DIS3L2: variants seen among roughly 807,000 people sequenced by gnomAD.
DIS3L2 encodes the protein DIS3 like 3'-5' exoribonuclease 2, also known as DIS3-like exonuclease 2.
Under a neutral mutation model 97.5 loss-of-function variants are expected in DIS3L2, and 34 were observed. The ratio of observed to expected loss-of-function variants is 0.35; its 90% CI spans 0.27 to 0.46. The LOEUF (loss-of-function observed/expected upper bound fraction) is 0.46, where lower values mean the gene tolerates loss of function less well. DIS3L2 is among the 20% of genes least tolerant of loss of function. The probability of loss-of-function intolerance (pLI) is 1.00; values close to 1 mark genes in which losing one functional copy is unlikely to be tolerated. For missense variants in DIS3L2, 1,038 were observed against 1,146.0 expected (o/e 0.91, Z 1.36); for synonymous variants, 435 against 445.2 (o/e 0.98, Z 0.29).
intron 14 of DIS3L2, among the ~76,000 whole-genome samples, chr2:232,303,862 G>A (rs1559202255): frequency 6.6e-6 from 1 of 152,154 alleles, no homozygotes; most frequent in Non-Finnish European, 1.5e-5. Context: ...CACATAAAGG[G>A]GCTAATCTCT....
intron 13 of DIS3L2, among the ~76,000 whole-genome samples, chr2:232,290,065 C>T (rs753073545): frequency 5.3e-5 from 8 of 152,188 alleles, no homozygotes; most frequent in Non-Finnish European, 1.2e-4. Flanking sequence ...TGCATTCCTT[C>T]GACAGTAGTT....
chr2:232,197,102 A>G (rs1447737014), intron 9 of DIS3L2, among the ~76,000 whole-genome samples: 1 of 152,208 alleles, frequency 6.6e-6, no homozygotes, highest in African/African-American at 2.4e-5. Flanking sequence ...TTGGGAATTC[A>G]AAGGATGAGA....
intron 12 of DIS3L2, among the ~76,000 whole-genome samples, chr2:232,253,111 A>G (rs1693462314): frequency 1.3e-5 from 2 of 152,230 alleles, no homozygotes; most frequent in African/African-American, 2.4e-5. Context: ...CCTCAAGACC[A>G]CCAGCGTACC....
intron 1 of DIS3L2, among the ~76,000 whole-genome samples, chr2:231,999,112 A>T (rs3100598): frequency 3.3e-5 from 5 of 152,118 alleles, no homozygotes; most frequent in Non-Finnish European, 2.9e-5. Flanking sequence ...CTGCCCTTGC[A>T]GCATGAAAGC....
chr2:232,221,912 T>C (rs990579723), intron 10 of DIS3L2, among the ~76,000 whole-genome samples: 1 of 151,034 alleles, frequency 6.6e-6, no homozygotes, highest in Non-Finnish European at 1.5e-5. Context: ...CTGTTACTCC[T>C]ATGTTCCTCT....
chr2:232,247,260 A>C (rs4973514), intron 11 of DIS3L2, among the ~76,000 whole-genome samples: 7,871 of 152,274 alleles, frequency 0.052, 747 homozygotes, highest in East Asian at 0.42. Flanking sequence ...CATACCCAGC[A>C]AACTTGATGT....
intron 1 of DIS3L2, among the ~76,000 whole-genome samples, chr2:231,989,613 C>T (rs942009864): frequency 4.6e-5 from 7 of 152,048 alleles, no homozygotes; most frequent in Non-Finnish European, 8.8e-5. Context: ...GAGGCCGGAT[C>T]GCTTGAGCCC....
chr2:232,089,775 A>G (rs893713767), intron 6 of DIS3L2, among the ~76,000 whole-genome samples: 1 of 152,190 alleles, frequency 6.6e-6, no homozygotes, highest in African/African-American at 2.4e-5. Context: ...AGTGGTTGGT[A>G]CAAATATAAG....
intron 6 of DIS3L2, among the ~76,000 whole-genome samples, chr2:232,129,095 A>G (rs925966322): frequency 1.3e-5 from 2 of 152,182 alleles, no homozygotes; most frequent in Non-Finnish European, 2.9e-5. Context: ...TTGGGATGGA[A>G]TCTGAGGTAA....
chr2:232,340,869 C>T (rs1294956027), downstream of DIS3L2: 4 of 471,258 alleles, frequency 8.5e-6, no homozygotes, highest in African/African-American at 8.0e-5. Flanking sequence ...CCAGGGATTG[C>T]CCTTCGTGGA....
exon 14 of DIS3L2, chr2:232,343,859 A>T (rs539298966): frequency 5.7e-6 from 2 of 353,680 alleles, no homozygotes; most frequent in East Asian, 1.1e-4. Flanking sequence ...GCTTCCCTTT[A>T]TGGAGCTTTC....
At chr2:232,330,575 C>T in intron 15 of DIS3L2, 115 bp from the exon 16 acceptor site, 5 of 1,098,520 alleles carry the variant, frequency 4.6e-6, no homozygotes, top group Middle Eastern at 2.3e-4. Context: ...GGCTGAGCCC[C>T]ACAGGCAACT....
In DIS3L2 at chr2:232,300,054, C is replaced by T; in HGVS notation, c.1674C>T (p.Phe558=). 6.2e-7 allele frequency: 1 copy of T among 1,613,684 alleles called. No homozygotes were observed. Among genetic ancestry groups the T allele is most frequent in the Non-Finnish European group, 8.5e-7 (1 of 1,179,650 alleles). ...TCTCTCTTCAGCTAAAGCTTGCTTT[C>T]ACTCTGGACCACGAGACCGGATTGC... ...ALRLDQLKLA[F]TLDHETGLPQ... The change falls in exon 14 of 21, where the codon TTC becomes TTT. Residue 558 remains phenylalanine, a synonymous_variant. Coordinates refer to ENST00000325385, the MANE Select transcript of DIS3L2 (RefSeq NM_152383.5).
Position 232,293,914 on chromosome 2 carries a change from G to A in DIS3L2, c.1660-6126G>A, listed in dbSNP as rs1279810063. On this transcript the variant is annotated intron_variant, in intron 13 of 20. Coordinates refer to ENST00000325385, the MANE Select transcript of DIS3L2 (RefSeq NM_152383.5). This position sits in a 1 kb window ranked among gnomAD's most constrained non-coding sequence, Gnocchi z 4.6. Reference sequence around the variant, plus strand: ...CCAAGGGAGTAGGAAGATACATTGTGTGTCAGTGTCCTTAGGAGAAGCATG... The same window carrying A: ...CCAAGGGAGTAGGAAGATACATTGTATGTCAGTGTCCTTAGGAGAAGCATG... Among the ~76,000 whole-genome samples the A allele has an allele frequency of 6.6e-6, 1 of 152,238 alleles. No homozygotes were observed. Among genetic ancestry groups the A allele is most frequent in the African/African-American group, 2.4e-5 (1 of 41,454 alleles).
At chr2:232,324,017 G>A (rs1695508368) in intron 14 of DIS3L2, among the ~76,000 whole-genome samples, 2 of 152,238 alleles carry the variant, frequency 1.3e-5, no homozygotes, top group East Asian at 1.9e-4. Flanking sequence ...GTGCTCCGTA[G>A]ACCCCTGCCT....
At chr2:232,333,101 CCTCCTCCTCATT>C (rs978209459) in intron 16 of DIS3L2, among the ~76,000 whole-genome samples, 9 of 151,846 alleles carry the variant, frequency 5.9e-5, no homozygotes, top group African/African-American at 2.2e-4. Context: ...TCCTCCTCTT[CCTCCTCCTCATT>C]GTCCTCCTCG....
chr2:232,022,561 G>A (rs866262116), intron 3 of DIS3L2, among the ~76,000 whole-genome samples: 58 of 152,048 alleles, frequency 3.8e-4, no homozygotes, highest in African/African-American at 1.4e-3. Flanking sequence ...GACAAGGGAT[G>A]ATAGAAGAAT....
chr2:232,012,045 G>A (rs763492948), intron 1 of DIS3L2, among the ~76,000 whole-genome samples: 1 of 152,176 alleles, frequency 6.6e-6, no homozygotes, highest in Non-Finnish European at 1.5e-5. Flanking sequence ...TTTACTGCCT[G>A]CCTAGCTGTC....
intron 13 of DIS3L2, among the ~76,000 whole-genome samples, chr2:232,275,218 A>G (rs1162809447): frequency 6.6e-6 from 1 of 152,188 alleles, no homozygotes; most frequent in Non-Finnish European, 1.5e-5. Context: ...CCTGGTGCGG[A>G]ACACCATCAG....
Sources: gnomAD v4.1 joint callset for allele counts (sites outside exome capture counted in the v4.1 genomes callset) on GRCh38, gnomAD v4.1.1 for gene constraint, Gnocchi (gnomAD v3.1) non-coding constraint, MANE v1.5 for transcripts, NCBI Gene and HGNC (gene_info 2026-07-23, HGNC 2026-07-21) for gene names.